TKT: variants seen among roughly 807,000 people sequenced by gnomAD.
TKT encodes the protein transketolase, also known as epididymis luminal protein 107.
Under a neutral mutation model 63.9 loss-of-function variants are expected in TKT, and 47 were observed. The ratio of observed to expected loss-of-function variants is 0.74; its 90% CI spans 0.58 to 0.94. The LOEUF is 0.94. Among genes scored for constraint, TKT ranks in the 40% least tolerant of loss-of-function variants. The pLI is 0.00. For missense variants in TKT, 721 were observed against 846.2 expected (o/e 0.85, Z 1.84); for synonymous variants, 338 against 334.1 (o/e 1.01, Z -0.13).
intron 7 of TKT, 29 bp from the exon 8 acceptor site, chr3:53,230,650 G>C: frequency 6.2e-7 from 1 of 1,613,492 alleles, no homozygotes; most frequent in East Asian, 2.2e-5. Context: ...GAAGGCTCTG[G>C]ACCCCTCTGA....
intron 1 of TKT, among the ~76,000 whole-genome samples, chr3:53,254,290 C>T (rs1705883060): frequency 6.6e-6 from 1 of 152,172 alleles, no homozygotes; most frequent in African/African-American, 2.4e-5. Context: ...GTGTGCCAGG[C>T]TGGTGAAAGG....
intron 8 of TKT, 146 bp downstream of exon 8, chr3:53,230,311 G>T (rs1704689735): frequency 1.9e-6 from 2 of 1,040,176 alleles, no homozygotes; most frequent in Non-Finnish European, 2.8e-6. Flanking sequence ...AAGGTCAGGG[G>T]TTAACGCTGG....
At chr3:53,242,088 G>T (rs782030250) in intron 2 of TKT, 37 bp downstream of exon 2, 7 of 1,586,510 alleles carry the variant, frequency 4.4e-6, no homozygotes, top group Non-Finnish European at 5.2e-6. Flanking sequence ...CTAGTCCCAG[G>T]CAAGGTGTGG....
intron 4 of TKT, among the ~76,000 whole-genome samples, chr3:53,238,901 G>A (rs1459245617): frequency 6.6e-6 from 1 of 152,234 alleles, no homozygotes; most frequent in Admixed American, 6.5e-5. Context: ...AGCCCCCAAA[G>A]GGCAAAGGAA....
chr3:53,249,454 G>A (rs1575574886), intron 1 of TKT, among the ~76,000 whole-genome samples: 2 of 151,928 alleles, frequency 1.3e-5, no homozygotes, highest in African/African-American at 2.4e-5. Context: ...GTGGTGGCAT[G>A]CACCTGTAAT....
At chr3:53,247,144 G>A (rs1467363501) in intron 1 of TKT, among the ~76,000 whole-genome samples, 1 of 151,746 alleles carries the variant, frequency 6.6e-6, no homozygotes, top group Non-Finnish European at 1.5e-5. Flanking sequence ...ATCACCTGAG[G>A]TCAGGAGTCT....
intron 1 of TKT, among the ~76,000 whole-genome samples, chr3:53,254,069 A>G (rs1575577525): frequency 1.3e-5 from 2 of 152,200 alleles, no homozygotes; most frequent in African/African-American, 4.8e-5. Flanking sequence ...ACAAACGATG[A>G]TGCTGTGTCA....
At chr3:53,254,209 A>AC (rs1391269346) in intron 1 of TKT, among the ~76,000 whole-genome samples, 1 of 152,112 alleles carries the variant, frequency 6.6e-6, no homozygotes, top group Non-Finnish European at 1.5e-5. Flanking sequence ...TAGACCTCAG[A>AC]CCCCCTGAAA....
Position 53,242,188 on chromosome 3 carries a change from G to A in TKT, c.162C>T (p.His54=). Residue 54 remains histidine (H), a synonymous_variant, in exon 2 of 14, where the codon CAC becomes CAT. Transcript: ENST00000462138. ...GGTCCTGGGACTTGTAGCGCATGGTGTGGAAAAAGAGGACAGCCATGATCT... is the reference window on the plus strand; with the variant it reads ...GGTCCTGGGACTTGTAGCGCATGGTATGGAAAAAGAGGACAGCCATGATCT... ...AAEIMAVLFF[H]TMRYKSQDPR... 1.2e-6 allele frequency: 2 copies of A among 1,614,178 alleles called. No individual in the cohort carries two copies. The highest frequency in any genetic ancestry group is 1.7e-6 in the Non-Finnish European group (2 of 1,180,030).
At chr3:53,226,490 TCCA>T (rs1165826898) in intron 13 of TKT, 9 of 476,936 alleles carry the variant, frequency 1.9e-5, no homozygotes, top group Non-Finnish European at 2.3e-5. Context: ...GACGCCACCA[TCCA>T]CCATTTAGCA....
In TKT at chr3:53,228,057, TTTC is replaced by T; in HGVS notation, c.1569_1571del (p.Lys524del). 1 of 1,612,426 alleles carries T rather than the reference TTTC, an allele frequency of 6.2e-7. No individual in the cohort carries two copies. The highest frequency in any genetic ancestry group is 1.1e-5 in the South Asian group (1 of 91,004). ...ACTTTGGAGGCCCCTTCTCCTCACC[TTTC>T]TTCAGCAGTTCGGCAGCGGCCAAGG... On this transcript the variant is annotated inframe_deletion and splice_region_variant, in exon 12 of 14. Transcript: ENST00000462138.
At chr3:53,253,821 G>A (rs1423664738) in intron 1 of TKT, among the ~76,000 whole-genome samples, 1 of 151,686 alleles carries the variant, frequency 6.6e-6, no homozygotes, top group Non-Finnish European at 1.5e-5. Flanking sequence ...AGGTTGGTCT[G>A]GAACTCCTGG....
chr3:53,240,241 G>A lies in TKT; in HGVS notation c.437+10C>T. The A allele has an allele frequency of 6.2e-7, 1 of 1,608,960 alleles. No homozygotes were observed. The highest frequency in any genetic ancestry group is 8.5e-7 in the Non-Finnish European group (1 of 1,176,108). On this transcript the variant is annotated intron_variant, in intron 4 of 13. Transcript: ENST00000462138. ...CTACCCAGGTTGGGGGTGGGGAGTA[G>A]GTGTGTTACCTGGCCTTGTCGAAGT...
At chr3:53,239,286 A>T (rs1705169784) in intron 4 of TKT, among the ~76,000 whole-genome samples, 1 of 152,132 alleles carries the variant, frequency 6.6e-6, no homozygotes, top group Admixed American at 6.5e-5. Context: ...AGACTAATAC[A>T]GTGATTATTC....
At chr3:53,241,820 A>T in intron 2 of TKT, 1 of 375,116 alleles carries the variant, frequency 2.7e-6, no homozygotes, top group South Asian at 2.6e-5. Flanking sequence ...GCCTGTCAAC[A>T]CCCAGACTGG....
intron 6 of TKT, 190 bp downstream of exon 6, chr3:53,232,966 G>A (rs1031894658): frequency 5.0e-5 from 29 of 577,060 alleles, no homozygotes; most frequent in Non-Finnish European, 4.0e-5. Context: ...GAGGCCAGAC[G>A]GATCTGAGTT....
chr3:53,231,653 G>C, intron 6 of TKT, 103 bp from the exon 7 acceptor site: 1 of 1,248,888 alleles, frequency 8.0e-7, no homozygotes, highest in Non-Finnish European at 1.1e-6. Flanking sequence ...CCGAGGGCAA[G>C]GGAGGAATGG....
chr3:53,235,445 AGG>A, intron 4 of TKT: 2 of 346,186 alleles, frequency 5.8e-6, no homozygotes, highest in Non-Finnish European at 1.1e-5. Flanking sequence ...CTAGGACAAC[AGG>A]GATCTGGCTA....
intron 6 of TKT, chr3:53,232,363 C>G: frequency 5.0e-6 from 2 of 398,994 alleles, no homozygotes; most frequent in African/African-American, 2.1e-5. Context: ...GCCAAACCCC[C>G]ACTCAGAACA....
Sources: allele counts gnomAD v4.1 joint callset (sites outside exome capture counted in the v4.1 genomes callset), GRCh38; gene constraint gnomAD v4.1.1; transcripts MANE v1.5; gene names NCBI Gene and HGNC (gene_info 2026-07-23, HGNC 2026-07-21).